CDH8: variants seen among roughly 807,000 people sequenced by gnomAD.
CDH8 encodes the protein cadherin-8.
CDH8 carries 17 observed loss-of-function variants against 68.1 expected under a neutral mutation model. The ratio of observed to expected loss-of-function variants is 0.25; its 90% CI spans 0.17 to 0.37. The LOEUF (loss-of-function observed/expected upper bound fraction) is 0.37. CDH8 is among the 10% of genes least tolerant of loss of function. The pLI is 1.00. For synonymous variants in CDH8, 372 were observed against 365.1 expected (o/e 1.02, Z -0.21); for missense variants, 763 against 999.3 (o/e 0.76, Z 3.19).
chr16:61,732,933 C>A (rs1959576056), intron 8 of CDH8, among the ~76,000 whole-genome samples: 1 of 151,422 alleles, frequency 6.6e-6, no homozygotes, highest in African/African-American at 2.4e-5. Flanking sequence ...GGTTGTAATT[C>A]AAATCGACAG....
intron 2 of CDH8, among the ~76,000 whole-genome samples, chr16:61,985,229 C>T (rs1684025297): frequency 6.6e-6 from 1 of 151,952 alleles, no homozygotes; most frequent in Non-Finnish European, 1.5e-5. Flanking sequence ...AGTTAAATAG[C>T]CCTCTAAGAA....
At chr16:61,660,369 G>C (rs1017236641) in intron 10 of CDH8, among the ~76,000 whole-genome samples, 5 of 151,748 alleles carry the variant, frequency 3.3e-5, no homozygotes, top group African/African-American at 1.2e-4. Context: ...CAAAAGAAAT[G>C]ATTAGTGAAC....
chr16:61,674,455 CAAA>C lies in CDH8; in HGVS notation c.1655-18737_1655-18735del, dbSNP rs34845219. ...GGTGACAGTGCAAGACTCCAACTCA[CAAA>C]AAAAAAAAAAAAACCCTCACACTGA... On this transcript the variant is annotated intron_variant, in intron 10 of 11. Transcript: ENST00000577390. Among the ~76,000 whole-genome samples the C allele has an allele frequency of 3.7e-3, 438 of 119,618 alleles. 1 individual carries two copies. Among genetic ancestry groups the C allele is most frequent in the African/African-American group, 0.013 (424 of 33,404 alleles). 78.5% of individuals were successfully genotyped at this position (119,618 alleles called of 152,430 possible). A position where few individuals can be genotyped will look rare whatever the true frequency, so the allele number is the denominator to read the frequency against.
chr16:61,737,358 T>C (rs961086801), intron 8 of CDH8, among the ~76,000 whole-genome samples: 9 of 152,066 alleles, frequency 5.9e-5, no homozygotes, highest in African/African-American at 2.2e-4. Flanking sequence ...TTATAGTCAA[T>C]TGGGGAATGC....
rs188632436 is a variant in CDH8, at chr16:62,021,547, T to C, written c.-144A>G. ...TCTATAGCACGGGAAACAGACATCA[T>C]CTAAGCAGCTTTTCTAAGACCACAA... On this transcript the variant is annotated 5_prime_UTR_variant, in exon 2 of 12. An upstream start codon of the reference 5' UTR is lost. Coordinates refer to ENST00000577390, the MANE Select transcript of CDH8 (RefSeq NM_001796.5). The C allele has an allele frequency of 1.6e-4, 226 of 1,427,748 alleles. No homozygotes were observed. The African/African-American group carries it at 2.9e-3, about 18-fold the overall frequency. 88.4% of individuals were successfully genotyped at this position (1,427,748 alleles called of 1,614,324 possible). A position where few individuals can be genotyped will look rare whatever the true frequency, so the allele number is the denominator to read the frequency against.
At chr16:61,839,033 A>G (rs1962629237) in intron 4 of CDH8, among the ~76,000 whole-genome samples, 1 of 152,142 alleles carries the variant, frequency 6.6e-6, no homozygotes, top group Non-Finnish European at 1.5e-5. Flanking sequence ...CTAGTAAATG[A>G]CGTTGGAATC....
intron 2 of CDH8, among the ~76,000 whole-genome samples, chr16:61,960,407 ATATATG>A (rs1418169006): frequency 4.3e-5 from 5 of 116,478 alleles, no homozygotes; most frequent in African/African-American, 1.3e-4. Context: ...ACATATATAC[ATATATG>A]TGTGTGTGTA....
chr16:61,851,434 T>C (rs1466845010), intron 4 of CDH8, among the ~76,000 whole-genome samples: 1 of 152,120 alleles, frequency 6.6e-6, no homozygotes, highest in East Asian at 1.9e-4. Context: ...TTTAGGCTGT[T>C]CTGAAACTTT....
intron 3 of CDH8, among the ~76,000 whole-genome samples, chr16:61,872,103 C>T (rs1405936717): frequency 6.6e-6 from 1 of 152,166 alleles, no homozygotes; most frequent in Non-Finnish European, 1.5e-5. Flanking sequence ...CAGGAATTTA[C>T]TTCACATATT....
intron 4 of CDH8, among the ~76,000 whole-genome samples, chr16:61,837,803 T>C (rs1962599503): frequency 6.6e-6 from 1 of 152,008 alleles, no homozygotes; most frequent in Non-Finnish European, 1.5e-5. Context: ...CCAGGCTGTT[T>C]GGGAAACTTG....
At chr16:61,844,170 G>A (rs372751312) in intron 4 of CDH8, among the ~76,000 whole-genome samples, 23 of 150,502 alleles carry the variant, frequency 1.5e-4, no homozygotes, top group East Asian at 6.0e-4. Flanking sequence ...GCAAACTATC[G>A]CAAGGACAAA....
chr16:61,816,666 T>C (rs889864555), intron 7 of CDH8, among the ~76,000 whole-genome samples: 5 of 152,160 alleles, frequency 3.3e-5, no homozygotes, highest in South Asian at 2.1e-4. Flanking sequence ...ATAGAAGTTA[T>C]AGATTTTCAG....
At chr16:61,721,806 G>T (rs1959220499) in intron 9 of CDH8, among the ~76,000 whole-genome samples, 1 of 150,768 alleles carries the variant, frequency 6.6e-6, no homozygotes, top group East Asian at 1.9e-4. Context: ...TTTAAGAGCA[G>T]ACTTTAAAAT....
intron 2 of CDH8, among the ~76,000 whole-genome samples, chr16:61,950,537 T>A (rs1964877461): frequency 6.6e-6 from 1 of 152,224 alleles, no homozygotes; most frequent in Non-Finnish European, 1.5e-5. Flanking sequence ...AAAGTTACAA[T>A]ATAAAGAACT....
At chr16:61,668,606 T>C (rs1344987328) in intron 10 of CDH8, among the ~76,000 whole-genome samples, 2 of 152,034 alleles carry the variant, frequency 1.3e-5, no homozygotes, top group East Asian at 3.9e-4. Flanking sequence ...AAGAATATTT[T>C]ATCTATTTGG....
At chr16:61,861,288 A>C (rs1481745079) in intron 3 of CDH8, among the ~76,000 whole-genome samples, 1 of 152,334 alleles carries the variant, frequency 6.6e-6, no homozygotes, top group East Asian at 1.9e-4. Flanking sequence ...CCCTAGAGAC[A>C]CTAATTTCTA....
chr16:61,894,862 A>G (rs1963842771), intron 3 of CDH8, among the ~76,000 whole-genome samples: 1 of 152,050 alleles, frequency 6.6e-6, no homozygotes, highest in African/African-American at 2.4e-5. Context: ...TCAACTATAT[A>G]TTTACCTAGT....
chr16:61,866,588 A>G (rs1378942590), intron 3 of CDH8, among the ~76,000 whole-genome samples: 1 of 151,968 alleles, frequency 6.6e-6, no homozygotes. Flanking sequence ...GTGTATATAT[A>G]TATACACATT....
At chr16:61,979,250 G>A (rs981192160) in intron 2 of CDH8, among the ~76,000 whole-genome samples, 2 of 152,114 alleles carry the variant, frequency 1.3e-5, no homozygotes, top group African/African-American at 4.8e-5. Flanking sequence ...CCTCACCCCT[G>A]GCGGATAACA....
Sources: gnomAD v4.1 joint callset for allele counts (sites outside exome capture counted in the v4.1 genomes callset) on GRCh38, gnomAD v4.1.1 for gene constraint, MANE v1.5 for transcripts, NCBI Gene and HGNC (gene_info 2026-07-23, HGNC 2026-07-21) for gene names.